Variants in CWC25 observed in about 807,000 individuals in gnomAD.
The protein encoded by CWC25 is CWC25 spliceosome associated protein.
A neutral mutation model predicts 54.6 loss-of-function variants in CWC25; 31 were observed. That is an observed-to-expected ratio of 0.57 (90% CI 0.43 to 0.77). The LOEUF (loss-of-function observed/expected upper bound fraction) is 0.77. Ranked by LOEUF, CWC25 falls within the 30% of genes least tolerant of loss-of-function variation. CWC25 has a pLI of 0.00. For synonymous variants in CWC25, 151 were observed against 187.0 expected, an observed-to-expected ratio of 0.81 and a Z score of 1.57; for missense variants, 453 against 529.3, an observed-to-expected ratio of 0.86 and a Z score of 1.41.
At chr17:38,824,250 G>T (rs189637921) in intron 1 of CWC25, among the ~76,000 whole-genome samples, 1 of 152,144 alleles carries the variant, frequency 6.6e-6, no homozygotes, top group Admixed American at 6.6e-5. Flanking sequence ...ACAAATGAAC[G>T]TTTCAGTTTA....
intron 8 of CWC25, among the ~76,000 whole-genome samples, chr17:38,804,202 G>T (rs1032864051): frequency 6.6e-6 from 1 of 152,004 alleles, no homozygotes; most frequent in Admixed American, 6.6e-5. Flanking sequence ...GCTTAGGAAT[G>T]AAAAGTATCA....
Position 38,825,170 on chromosome 17 carries a change from T to C in CWC25, c.14A>G (p.Asp5Gly). Residue 5 changes from aspartate (D) to glycine (G), a missense_variant, in exon 1 of 10, where the codon GAC becomes GGC. By Grantham distance (94) the Asp-to-Gly change is moderately conservative. This residue lies in a region of CWC25 where 9 missense variants were observed against 30.1 expected (regional missense o/e 0.30). Coordinates refer to ENST00000614790, the MANE Select transcript of CWC25 (RefSeq NM_017748.5). ...CCCAGGCCTCCCTCCACTCACCAGG[T>C]CTCCGCCCCCCATGACGGTGGAGAC... MGGG[D>G]LNLKKSWHPQ... The C allele has an allele frequency of 6.4e-7, 1 of 1,566,942 alleles. No individual in the cohort carries two copies. Among genetic ancestry groups the C allele is most frequent in the Non-Finnish European group, 8.6e-7 (1 of 1,157,732 alleles).
At chr17:38,825,125 C>T (rs1912091259) in intron 1 of CWC25, 41 bp downstream of exon 1, 1 of 1,480,488 alleles carries the variant, frequency 6.8e-7, no homozygotes, top group South Asian at 1.3e-5. Context: ...AATTTCCGTC[C>T]CGGCCTCAGT....
chr17:38,802,549 T>C (rs1298694475), intron 9 of CWC25, 151 bp downstream of exon 9: 1 of 764,164 alleles, frequency 1.3e-6, no homozygotes, highest in Non-Finnish European at 2.1e-6. Flanking sequence ...AACATCCCAC[T>C]GTGTGGTCAG....
chr17:38,810,733 G>A, intron 4 of CWC25, 138 bp from the exon 5 acceptor site: 1 of 651,616 alleles, frequency 1.5e-6, no homozygotes, highest in Non-Finnish European at 2.8e-6. Context: ...GACCAGCCTG[G>A]CCAACATGGC....
intron 6 of CWC25, 32 bp downstream of exon 6, chr17:38,809,669 CA>C: frequency 6.2e-7 from 1 of 1,606,578 alleles, no homozygotes; most frequent in Non-Finnish European, 8.5e-7. Flanking sequence ...CACAGTCCCA[CA>C]GTCACTCCTT....
At position 38,800,572 on chromosome 17, in the gene CWC25, A is replaced by G. The variant is rs1471643316; in HGVS notation, c.*1520T>C. 6.6e-6 allele frequency: 1 copy of G among 152,242 alleles called. No individual in the cohort carries two copies. The highest frequency in any genetic ancestry group is 2.4e-5 in the African/African-American group (1 of 41,460). 9.4% of individuals were successfully genotyped at this position (152,242 alleles called of 1,614,324 possible). ...TTCTCTAGGGAAAGATCGGGTTTCA[A>G]GCATTACAGTGCCTGGCATCATAAG... On this transcript the variant is annotated 3_prime_UTR_variant, in exon 10 of 10. Transcript: ENST00000614790.
chr17:38,804,643 C>T (rs1382359916), intron 8 of CWC25, among the ~76,000 whole-genome samples: 1 of 151,522 alleles, frequency 6.6e-6, no homozygotes, highest in Non-Finnish European at 1.5e-5. Context: ...CCCATCTCTA[C>T]TAAAATATAC....
intron 2 of CWC25, among the ~76,000 whole-genome samples, chr17:38,819,385 T>C (rs75356839): frequency 6.6e-6 from 1 of 150,542 alleles, no homozygotes; most frequent in Non-Finnish European, 1.5e-5. Context: ...TTTTTTTTTT[T>C]GAGACGGAGT....
chr17:38,815,029 A>G lies in CWC25; in HGVS notation c.260T>C (p.Leu87Pro), dbSNP rs1328331827. The change falls in exon 3 of 10, where the codon CTG becomes CCG. Residue 87 changes from leucine to proline, a missense_variant. Physicochemically the swap from Leu to Pro is moderately conservative, Grantham distance 98. Coordinates refer to ENST00000614790, the MANE Select transcript of CWC25 (RefSeq NM_017748.5). ...PGGMVNRDEYLLGRPIDKYVF... is the reference protein window; with the variant it reads ...PGGMVNRDEYPLGRPIDKYVF... ...ATATTTGTCAATGGGGCGCCCCAGCAGGTACTCGTCACGGTTCACCATCCC... is the reference window on the plus strand; with the variant it reads ...ATATTTGTCAATGGGGCGCCCCAGCGGGTACTCGTCACGGTTCACCATCCC... 1 of 1,613,998 alleles carries G rather than the reference A, an allele frequency of 6.2e-7. No individual in the cohort carries two copies. The highest frequency in any genetic ancestry group is 1.7e-5 in the Admixed American group (1 of 60,002).
intron 6 of CWC25, among the ~76,000 whole-genome samples, chr17:38,808,120 C>T (rs1911330581): frequency 7.3e-6 from 1 of 137,786 alleles, no homozygotes; most frequent in African/African-American, 2.6e-5. Flanking sequence ...TGCAGTGGCT[C>T]ACGCCTGTAA....
intron 6 of CWC25, 84 bp from the exon 7 acceptor site, chr17:38,807,060 G>A (rs537629644): frequency 1.5e-4 from 160 of 1,085,534 alleles, no homozygotes; most frequent in African/African-American, 3.7e-4. Flanking sequence ...AGTGGCTCAC[G>A]CCTGTAATCC....
At position 38,813,211 on chromosome 17, in the gene CWC25, C is replaced by T. The variant is rs947611779; in HGVS notation, c.429-347G>A. ...GTGGCTCATCTCACACCTGTAATCCCAGCACTTTGGGAGGCTGGGGCAGGC... is the reference window on the plus strand; with the variant it reads ...GTGGCTCATCTCACACCTGTAATCCTAGCACTTTGGGAGGCTGGGGCAGGC... On this transcript the variant is annotated intron_variant, in intron 3 of 9. Transcript: ENST00000614790. Among the ~76,000 whole-genome samples the T allele has an allele frequency of 4.6e-5, 7 of 151,218 alleles. No individual in the cohort carries two copies. The East Asian group carries it at 1.4e-3, about 29-fold the overall frequency.
chr17:38,825,155 C>T lies in CWC25; in HGVS notation c.18+11G>A. 2 of 1,572,538 alleles carry T rather than the reference C, an allele frequency of 1.3e-6. No homozygotes were observed. The highest frequency in any genetic ancestry group is 1.7e-6 in the Non-Finnish European group (2 of 1,160,424). ...CTCAGTCCTCCCCCGCCCAGGCCTC[C>T]CTCCACTCACCAGGTCTCCGCCCCC... On this transcript the variant is annotated intron_variant, in intron 1 of 9. Transcript: ENST00000614790.
Position 38,812,806 on chromosome 17 carries a change from T to G in CWC25, c.487A>C (p.Ile163Leu). ...VLNNPVKMKKIKELLQMSLEK... is the reference protein window; with the variant it reads ...VLNNPVKMKKLKELLQMSLEK... ...GGTATACTACTTACCAATTCTTTGATTTTCTTCATTTTCACTGGATTATTT... is the reference window on the plus strand; with the variant it reads ...GGTATACTACTTACCAATTCTTTGAGTTTCTTCATTTTCACTGGATTATTT... The change falls in exon 4 of 10, where the codon ATC becomes CTC. Residue 163 changes from isoleucine (I) to leucine (L), a missense_variant. Physicochemically the swap from Ile to Leu is conservative, Grantham distance 5. Around this residue, in one of 2 missense-constraint regions of CWC25, gnomAD observed 444 missense variants for 499.2 expected, o/e 0.89. Coordinates refer to ENST00000614790, the MANE Select transcript of CWC25 (RefSeq NM_017748.5). 6.6e-7 allele frequency: 1 copy of G among 1,516,432 alleles called. No individual in the cohort carries two copies. Among genetic ancestry groups the G allele is most frequent in the Non-Finnish European group, 9.0e-7 (1 of 1,114,964 alleles). 93.9% of individuals were successfully genotyped at this position (1,516,432 alleles called of 1,614,324 possible). A position where few individuals can be genotyped will look rare whatever the true frequency, so the allele number is the denominator to read the frequency against.
In CWC25 at chr17:38,815,021, G is replaced by A. The variant is rs770716552; in HGVS notation, c.268C>T (p.Arg90Cys). The A allele has an allele frequency of 1.2e-4, 199 of 1,613,754 alleles. No individual in the cohort carries two copies. The highest frequency in any genetic ancestry group is 1.3e-4 in the Non-Finnish European group (153 of 1,179,882). The change falls in exon 3 of 10, where the codon CGC becomes TGC. Residue 90 changes from arginine to cysteine, a missense_variant. Arg to Cys is a radical substitution (Grantham distance 180). Around this residue, in one of 2 missense-constraint regions of CWC25, gnomAD observed 444 missense variants for 499.2 expected, o/e 0.89. Transcript: ENST00000614790. ...TCAAAAACATATTTGTCAATGGGGC[G>A]CCCCAGCAGGTACTCGTCACGGTTC... is the stretch of plus-strand genomic sequence containing the variant. ...MVNRDEYLLGRPIDKYVFEKM... is the reference protein window; with the variant it reads ...MVNRDEYLLGCPIDKYVFEKM...
At position 38,809,725 on chromosome 17, in the gene CWC25, T is replaced by TG. The variant is rs868067557; in HGVS notation, c.666dup (p.Lys223GlnfsTer13). The TG allele has an allele frequency of 2.5e-6, 4 of 1,613,828 alleles. No individual in the cohort carries two copies. The African/African-American group carries it at 5.3e-5, about 22-fold the overall frequency. On this transcript the variant is annotated frameshift_variant, in exon 6 of 10. Coordinates refer to ENST00000614790, the MANE Select transcript of CWC25 (RefSeq NM_017748.5). LOFTEE classifies it high-confidence loss of function. ...ACCTGTAAGCCATATCCAGGGACTT[T>TG]GGACAAAACAGGGGAGGAATTTGCC...
At chr17:38,813,008 C>G in intron 3 of CWC25, 144 bp from the exon 4 acceptor site, 1 of 584,100 alleles carries the variant, frequency 1.7e-6, no homozygotes, top group Non-Finnish European at 3.1e-6. Flanking sequence ...CACCTGTAAT[C>G]CCAGCTACTT....
chr17:38,822,582 AAAGT>A (rs754464901), intron 1 of CWC25, among the ~76,000 whole-genome samples: 20 of 152,200 alleles, frequency 1.3e-4, no homozygotes, highest in Non-Finnish European at 2.2e-4. Flanking sequence ...AATGTTCCCC[AAAGT>A]AAGTAATATC....
Sources: allele counts gnomAD v4.1 joint callset (sites outside exome capture counted in the v4.1 genomes callset), GRCh38; gene constraint gnomAD v4.1.1; regional missense constraint gnomAD v4.1.1; transcripts MANE v1.5; gene names NCBI Gene and HGNC (gene_info 2026-07-23, HGNC 2026-07-21).